Variants in ANK3 observed in about 807,000 individuals in gnomAD.
ANK3 encodes ankyrin 3.
A neutral mutation model predicts 370.9 loss-of-function variants in ANK3; 57 were observed. The ratio of observed to expected loss-of-function variants is 0.15; its 90% confidence interval spans 0.12 to 0.19. The LOEUF (loss-of-function observed/expected upper bound fraction) is 0.19. Ranked by LOEUF, ANK3 falls within the 10% of genes least tolerant of loss-of-function variation. ANK3 has a pLI of 1.00. For missense variants in ANK3, 4,439 were observed against 5,302.1 expected, an observed-to-expected ratio of 0.84 and a Z score of 5.06; for synonymous variants, 1,929 against 1,946.3, an observed-to-expected ratio of 0.99 and a Z score of 0.23.
rs148782234 is a variant in ANK3 at position 60,495,681 on chromosome 10, A to G, written c.96+119505T>C. ...TGGATATAACTTTTAATACTTAGAC[A>G]GAAATTTCTGTGATCCTACTGCACA... is the stretch of plus-strand genomic sequence containing the variant. On this transcript the variant is annotated intron_variant, in intron 2 of 43. Transcript: ENST00000373827. Among the ~76,000 whole-genome samples the G allele has an allele frequency of 3.2e-3, 484 of 152,212 alleles. 9 individuals are homozygous for G. Among genetic ancestry groups the G allele is most frequent in the African/African-American group, 0.011 (465 of 41,474 alleles).
rs557959535 is a variant in ANK3, at chr10:60,660,928, A to T, written c.58-45704T>A. 9.9e-5 allele frequency among the ~76,000 whole-genome samples: 15 copies of T among 152,184 alleles called. No homozygotes were observed. The South Asian group carries it at 3.1e-3, about 32-fold the overall frequency. ...GTTTTAAATACACACTCACACACAC[A>T]CACACACCCCACATCTATAAGACAT... is the stretch of plus-strand genomic sequence containing the variant. On this transcript the variant is annotated intron_variant, in intron 1 of 43. Transcript: ENST00000373827.
intron 41 of ANK3, among the ~76,000 whole-genome samples, chr10:60,057,395 A>C (rs998233720): frequency 2.0e-5 from 3 of 152,156 alleles, no homozygotes; most frequent in Non-Finnish European, 4.4e-5. Context: ...TAACTAGTAC[A>C]ATGCTTTATA....
At chr10:60,140,473 GT>G (rs1348351827) in intron 23 of ANK3, 2 of 1,602,180 alleles carry the variant, frequency 1.2e-6, no homozygotes, top group South Asian at 1.1e-5. Context: ...CCAATCCCTG[GT>G]TTGTATCCAC....
chr10:60,270,384 C>T (rs886615507), intron 4 of ANK3, among the ~76,000 whole-genome samples, 155 bp from the exon 5 acceptor site: 10 of 152,150 alleles, frequency 6.6e-5, no homozygotes, highest in Admixed American at 5.9e-4. Context: ...AACCCAAGCA[C>T]CATGGCTTAA....
intron 7 of ANK3, among the ~76,000 whole-genome samples, chr10:60,244,952 G>T (rs906137396): frequency 6.6e-6 from 1 of 152,144 alleles, no homozygotes; most frequent in African/African-American, 2.4e-5. Flanking sequence ...GGCGGATCAT[G>T]AGGTCAGGAG....
At chr10:60,173,067 A>T in intron 19 of ANK3, 21 bp downstream of exon 19, 1 of 1,610,676 alleles carries the variant, frequency 6.2e-7, no homozygotes, top group South Asian at 1.1e-5. Context: ...TCTGGCAGAA[A>T]CAAAAAAGGA....
intron 42 of ANK3, chr10:60,044,290 T>C (rs1589174001): frequency 1.0e-6 from 1 of 984,942 alleles, no homozygotes. Flanking sequence ...GTTGCCTTCT[T>C]CATCAGTAAA....
intron 1 of ANK3, among the ~76,000 whole-genome samples, chr10:60,671,432 T>C (rs1413370512): frequency 2.0e-5 from 3 of 152,254 alleles, no homozygotes; most frequent in Non-Finnish European, 4.4e-5. Flanking sequence ...TCAGAGGTCT[T>C]CCCTGGTATC....
chr10:60,157,535 C>T (rs900282855), intron 23 of ANK3, among the ~76,000 whole-genome samples: 4 of 151,760 alleles, frequency 2.6e-5, no homozygotes, highest in Admixed American at 1.3e-4. Context: ...CAGAGTCTCC[C>T]TATGTTGCCC....
intron 23 of ANK3, among the ~76,000 whole-genome samples, chr10:60,147,316 A>G (rs997997394): frequency 2.0e-5 from 3 of 152,134 alleles, no homozygotes; most frequent in African/African-American, 7.2e-5. Context: ...AAGGTATACA[A>G]TAGAGTGAGC....
intron 4 of ANK3, among the ~76,000 whole-genome samples, chr10:60,271,254 G>A (rs896039106): frequency 2.0e-5 from 3 of 151,682 alleles, no homozygotes; most frequent in African/African-American, 4.8e-5. Context: ...TAAACAAATG[G>A]AGTGCCGGGG....
At position 60,205,901 on chromosome 10, in the gene ANK3, C is replaced by T; in HGVS notation, c.1195-11G>A. 6.5e-7 allele frequency: 1 copy of T among 1,534,046 alleles called. No individual in the cohort carries two copies. ...AGGGGTAAAGCCATTCTGCAAGGGA[C>T]AAATACATATACCTGCTTGACTACA... On this transcript the variant is annotated splice_polypyrimidine_tract_variant and intron_variant, in intron 10 of 43. Coordinates refer to ENST00000280772, the MANE Select transcript of ANK3 (RefSeq NM_020987.5).
chr10:60,683,362 C>G (rs1762643578), intron 1 of ANK3, among the ~76,000 whole-genome samples: 1 of 152,150 alleles, frequency 6.6e-6, no homozygotes, highest in Non-Finnish European at 1.5e-5. Context: ...AAGCATGAGG[C>G]TTTTTGGAAG....
chr10:60,368,065 A>G (rs79663415), intron 1 of ANK3, among the ~76,000 whole-genome samples: 15,871 of 152,272 alleles, frequency 0.1, 898 homozygotes, highest in South Asian at 0.13. Context: ...TGTTGCAATA[A>G]TGAAATACAA....
intron 1 of ANK3, among the ~76,000 whole-genome samples, chr10:60,383,592 A>T (rs1488706093): frequency 1.1e-4 from 16 of 152,182 alleles, no homozygotes; most frequent in Admixed American, 1.0e-3. Context: ...TCCAGCCTCA[A>T]GGAGCTCATA....
intron 23 of ANK3, among the ~76,000 whole-genome samples, chr10:60,162,484 C>T (rs1350047656): frequency 5.3e-5 from 8 of 152,118 alleles, no homozygotes; most frequent in Non-Finnish European, 8.8e-5. Flanking sequence ...TCTTTGAAAT[C>T]GGTGGATTTT....
rs75078071 is a variant in ANK3, at chr10:60,115,699, T to C, written c.2842-1368A>G. ...GTCAGTTCTTTACTTAGACACAATA[T>C]AAAAGAGGGTTAAGTTAGAGCCCTA... On this transcript the variant is annotated intron_variant, in intron 25 of 43. Transcript: ENST00000280772. Among the ~76,000 whole-genome samples, 433 of 151,840 alleles carry C rather than the reference T, an allele frequency of 2.9e-3. 2 individuals are homozygous for C. Among genetic ancestry groups the C allele is most frequent in the African/African-American group, 0.01 (416 of 41,356 alleles).
chr10:60,653,554 T>C (rs1165475254), intron 1 of ANK3, among the ~76,000 whole-genome samples: 2 of 152,176 alleles, frequency 1.3e-5, no homozygotes, highest in Admixed American at 6.6e-5. Context: ...AATCAGGTAA[T>C]GTGACTCTTT....
At chr10:60,594,239 C>T (rs2077956755) in intron 2 of ANK3, among the ~76,000 whole-genome samples, 1 of 152,128 alleles carries the variant, frequency 6.6e-6, no homozygotes, top group Non-Finnish European at 1.5e-5. Flanking sequence ...ATAATCCTCT[C>T]AATGTTTCTT....
Sources: gnomAD v4.1 joint callset for allele counts (sites outside exome capture counted in the v4.1 genomes callset) on GRCh38, gnomAD v4.1.1 for gene constraint, MANE v1.5 for transcripts, NCBI Gene and HGNC (gene_info 2026-07-23, HGNC 2026-07-21) for gene names.